Variants in RBPJ observed in about 807,000 individuals in gnomAD.
RBPJ encodes recombination signal binding protein for immunoglobulin kappa J region, also known as recombining binding protein suppressor of hairless.
A neutral mutation model predicts 67.8 loss-of-function variants in RBPJ; 9 were observed. The observed-to-expected ratio is 0.13, with a 90% CI of 0.08 to 0.23. The LOEUF is 0.23. RBPJ is among the 10% of genes least tolerant of loss of function. The pLI, the probability that RBPJ is intolerant of heterozygous loss-of-function variation, is 1.00. For synonymous variants in RBPJ, 198 were observed against 203.3 expected (o/e 0.97, Z 0.22); for missense variants, 305 against 595.6 (o/e 0.51, Z 5.08).
At chr4:26,203,255 A>G (rs1204393180) in intron 1 of RBPJ, among the ~76,000 whole-genome samples, 2 of 152,240 alleles carry the variant, frequency 1.3e-5, no homozygotes, top group African/African-American at 4.8e-5. Context: ...GAATAAAATT[A>G]AAGCACTGCA....
chr4:26,288,700 A>T (rs1721562078), intron 1 of RBPJ, among the ~76,000 whole-genome samples: 1 of 152,228 alleles, frequency 6.6e-6, no homozygotes, highest in Non-Finnish European at 1.5e-5. Context: ...GCCCTGCAAG[A>T]CAGGGAAGTT....
At chr4:26,108,887 A>C in the RBPJ span, among the ~76,000 whole-genome samples, 1 of 152,120 alleles carries the variant, frequency 6.6e-6, no homozygotes, top group Non-Finnish European at 1.5e-5. Flanking sequence ...TTACCCACAA[A>C]GTAGGGGTGA....
chr4:26,397,511 T>A (rs1732255021), intron 2 of RBPJ, among the ~76,000 whole-genome samples: 2 of 152,242 alleles, frequency 1.3e-5, no homozygotes, highest in Admixed American at 6.5e-5. Context: ...TAAAAACTTT[T>A]AAAAATTGTC....
chr4:26,118,915 T>A, the RBPJ span, among the ~76,000 whole-genome samples: 1 of 152,212 alleles, frequency 6.6e-6, no homozygotes, highest in African/African-American at 2.4e-5. Flanking sequence ...TTTCCCCTTC[T>A]ATTAGGTCAA....
intron 1 of RBPJ, among the ~76,000 whole-genome samples, chr4:26,347,467 G>A (rs140353342): frequency 1.1e-4 from 16 of 152,334 alleles, no homozygotes; most frequent in African/African-American, 3.4e-4. Context: ...AATGAAGACA[G>A]AGTTCTAGAA....
the RBPJ span, among the ~76,000 whole-genome samples, chr4:26,118,509 G>A: frequency 6.6e-6 from 1 of 152,136 alleles, no homozygotes; most frequent in Non-Finnish European, 1.5e-5. Flanking sequence ...GGTAGACTGG[G>A]CCCATTGTTT....
intron 1 of RBPJ, among the ~76,000 whole-genome samples, chr4:26,267,154 G>A (rs1720729210): frequency 6.6e-6 from 1 of 152,114 alleles, no homozygotes; most frequent in Admixed American, 6.6e-5. Context: ...TGAGTTTGAT[G>A]GATTTCAAAA....
At chr4:26,348,028 C>G (rs1726358212) in intron 1 of RBPJ, among the ~76,000 whole-genome samples, 1 of 150,404 alleles carries the variant, frequency 6.6e-6, no homozygotes, top group African/African-American at 2.5e-5. Context: ...ATGGCACCAT[C>G]TCAGCTCACT....
chr4:26,394,546 TTTTAGAGCCTCAAATCATTTTGTCA>T (rs1731910872), intron 2 of RBPJ, among the ~76,000 whole-genome samples: 1 of 152,104 alleles, frequency 6.6e-6, no homozygotes, highest in Non-Finnish European at 1.5e-5. Flanking sequence ...CTGTTGAGGC[TTTTAGAGCCTCAAATCATTTTGTCA>T]TTTAGAGCCT....
At chr4:26,138,018 G>C in the RBPJ span, among the ~76,000 whole-genome samples, 2 of 152,166 alleles carry the variant, frequency 1.3e-5, no homozygotes, top group African/African-American at 2.4e-5. Context: ...GCTACCAGAA[G>C]ACATGATATC....
chr4:26,357,455 C>T lies in RBPJ; in HGVS notation c.21-28898C>T, dbSNP rs562121853. Among the ~76,000 whole-genome samples, 7 of 151,602 alleles carry T rather than the reference C, an allele frequency of 4.6e-5. No homozygotes were observed. The East Asian group carries it at 7.8e-4, about 17-fold the overall frequency. On this transcript the variant is annotated intron_variant, in intron 1 of 10. Transcript: ENST00000355476. ...CACTTAACGAAGATAGAAATAGGTT[C>T]GATTTATAAAACAAAGGAAATATTT...
At chr4:26,201,802 T>A (rs566313254) in intron 1 of RBPJ, among the ~76,000 whole-genome samples, 1 of 152,312 alleles carries the variant, frequency 6.6e-6, no homozygotes, top group East Asian at 1.9e-4. Context: ...TCCCAGAAGT[T>A]TCTCTTGGTT....
intron 1 of RBPJ, among the ~76,000 whole-genome samples, chr4:26,341,550 G>A (rs564973998): frequency 1.7e-4 from 26 of 152,090 alleles, no homozygotes; most frequent in Non-Finnish European, 3.2e-4. Context: ...GGAGGTGGAG[G>A]TTGCAGTGAG....
In RBPJ at chr4:26,430,889, G is replaced by A. The variant is rs1064403; in HGVS notation, c.1346G>A (p.Arg449Gln). 1.9e-6 allele frequency: 3 copies of A among 1,613,918 alleles called. No individual in the cohort carries two copies. Among genetic ancestry groups the A allele is most frequent in the East Asian group, 2.2e-5 (1 of 44,870 alleles). Reference protein sequence around the residue: ...PHCSAAGAILRANSSQVPPNE... With the variant: ...PHCSAAGAILQANSSQVPPNE... ...TGCAGTGCAGCAGGAGCAATCCTTC[G>A]AGCCAATTCAAGCCAGGTGCCCCCT... Residue 449 changes from arginine to glutamine, a missense_variant, in exon 11 of 11, where the codon CGA (arginine) becomes CAA (glutamine). Coordinates refer to ENST00000355476, the MANE Select transcript of RBPJ (RefSeq NM_015874.6). The surrounding 1 kb of genome is among the most constrained non-coding windows in gnomAD (Gnocchi z 4.1).
intron 1 of RBPJ, among the ~76,000 whole-genome samples, chr4:26,332,065 T>C (rs541233602): frequency 1.3e-5 from 2 of 152,354 alleles, no homozygotes; most frequent in East Asian, 3.9e-4. Context: ...TCATCCATGC[T>C]TATCCACATG....
intron 1 of RBPJ, among the ~76,000 whole-genome samples, chr4:26,229,549 C>A (rs888108314): frequency 7.2e-5 from 11 of 152,122 alleles, no homozygotes; most frequent in Non-Finnish European, 1.5e-4. Context: ...TCCATTCTTA[C>A]TCCATGCATA....
chr4:26,344,416 T>G (rs1022757408), intron 1 of RBPJ, among the ~76,000 whole-genome samples: 1 of 151,338 alleles, frequency 6.6e-6, no homozygotes, highest in Admixed American at 6.6e-5. Flanking sequence ...TTTGTATTTT[T>G]AGTAGAGACG....
At chr4:26,229,968 G>T (rs546735778) in intron 1 of RBPJ, among the ~76,000 whole-genome samples, 1 of 151,992 alleles carries the variant, frequency 6.6e-6, no homozygotes, top group African/African-American at 2.4e-5. Context: ...GCGGGAAAAC[G>T]GCTTGAGCCC....
intron 2 of RBPJ, among the ~76,000 whole-genome samples, chr4:26,404,691 C>T (rs964611530): frequency 9.9e-5 from 15 of 152,186 alleles, no homozygotes; most frequent in African/African-American, 3.6e-4. Flanking sequence ...AGGCCTGGCA[C>T]ATAGTAAACA....
Sources: gnomAD v4.1 joint callset for allele counts (sites outside exome capture counted in the v4.1 genomes callset) on GRCh38, gnomAD v4.1.1 for gene constraint, Gnocchi (gnomAD v3.1) non-coding constraint, MANE v1.5 for transcripts, NCBI Gene and HGNC (gene_info 2026-07-23, HGNC 2026-07-21) for gene names.